ACSM5: variants seen among roughly 807,000 people sequenced by gnomAD.
ACSM5 encodes the protein acyl-CoA synthetase medium chain family member 5, also known as acyl-coenzyme A synthetase ACSM5, mitochondrial.
ACSM5 carries 56 observed loss-of-function variants against 71.6 expected under a neutral mutation model. That is an observed-to-expected ratio of 0.78 (90% CI 0.63 to 0.98). The LOEUF (loss-of-function observed/expected upper bound fraction) is 0.98. ACSM5 is among the 50% of genes least tolerant of loss of function. The pLI, the probability that ACSM5 is intolerant of heterozygous loss-of-function variation, is 0.00. For synonymous variants in ACSM5, 285 were observed against 281.5 expected, an observed-to-expected ratio of 1.01 and a Z score of -0.12; for missense variants, 723 against 726.0, an observed-to-expected ratio of 1.00 and a Z score of 0.05.
intron 6 of ACSM5, among the ~76,000 whole-genome samples, chr16:20,426,853 C>A (rs1289871034): frequency 6.6e-6 from 1 of 152,114 alleles, no homozygotes; most frequent in East Asian, 1.9e-4. Flanking sequence ...TTGCACAACA[C>A]TCTGGAAATG....
rs536895489 is a variant in ACSM5 at position 20,415,870 on chromosome 16, G to A, written c.205-2189G>A. Among the ~76,000 whole-genome samples, 10 of 152,152 alleles carry A rather than the reference G, an allele frequency of 6.6e-5. No homozygotes were observed. In the East Asian group the frequency reaches 1.2e-3, roughly 18 times the overall value. Reference sequence around the variant, plus strand: ...TCATTGTTTGAATGGATATGTCTCTGACTATTATGGTATCCCTACTTCATC... The same window carrying A: ...TCATTGTTTGAATGGATATGTCTCTAACTATTATGGTATCCCTACTTCATC... On this transcript the variant is annotated intron_variant, in intron 2 of 13. Coordinates refer to ENST00000331849, the MANE Select transcript of ACSM5 (RefSeq NM_017888.3).
intron 2 of ACSM5, among the ~76,000 whole-genome samples, chr16:20,415,669 A>G (rs1364901191): frequency 1.3e-5 from 2 of 152,232 alleles, no homozygotes; most frequent in Admixed American, 6.5e-5. Flanking sequence ...GAGATGATTT[A>G]GGGCAGAGTT....
chr16:20,426,287 G>GTGTT (rs1966978588), intron 6 of ACSM5, among the ~76,000 whole-genome samples: 1 of 152,150 alleles, frequency 6.6e-6, no homozygotes, highest in Admixed American at 6.5e-5. Context: ...CTCTGATATA[G>GTGTT]TGTTTTCATT....
intron 12 of ACSM5, 42 bp downstream of exon 12, chr16:20,437,409 C>T (rs779859160): frequency 3.7e-6 from 5 of 1,357,710 alleles, no homozygotes; most frequent in Admixed American, 3.4e-5. Flanking sequence ...GCTTCTGTAC[C>T]TATTAGCACC....
At chr16:20,410,634 T>C (rs1400974848) in intron 1 of ACSM5, among the ~76,000 whole-genome samples, 1 of 152,102 alleles carries the variant, frequency 6.6e-6, no homozygotes, top group East Asian at 1.9e-4. Context: ...CTAGGAAGCC[T>C]GGGGTGGAAG....
chr16:20,439,504 T>C (rs1967271413), intron 12 of ACSM5, among the ~76,000 whole-genome samples: 1 of 151,718 alleles, frequency 6.6e-6, no homozygotes, highest in African/African-American at 2.4e-5. Flanking sequence ...AAATATTTGC[T>C]TCTTAAGAGA....
chr16:20,426,392 C>T (rs1966980842), intron 6 of ACSM5, among the ~76,000 whole-genome samples: 1 of 152,182 alleles, frequency 6.6e-6, no homozygotes, highest in African/African-American at 2.4e-5. Flanking sequence ...CTGGAGGTAG[C>T]TTAATGAGGG....
In ACSM5 at chr16:20,409,609, C is replaced by T. The variant is rs1966843542; in HGVS notation, c.-72C>T. 6.6e-6 allele frequency: 1 copy of T among 152,186 alleles called. No homozygotes were observed. Among genetic ancestry groups the T allele is most frequent in the Admixed American group, 6.5e-5 (1 of 15,276 alleles). The allele number at this position is 152,186 out of a possible 1,614,324, so 9.4% of individuals were successfully genotyped here. ...GTGTTTACAGCCACTCAGCCCTGCT[C>T]TGCTCAGCTGAAGCAGAAAACAGAG... is the stretch of plus-strand genomic sequence containing the variant. On this transcript the variant is annotated 5_prime_UTR_variant, in exon 1 of 14. Coordinates refer to ENST00000331849, the MANE Select transcript of ACSM5 (RefSeq NM_017888.3).
In ACSM5 at chr16:20,419,482, C is replaced by T. The variant is rs567568290; in HGVS notation, c.623+47C>T. 7 of 1,571,308 alleles carry T rather than the reference C, an allele frequency of 4.5e-6. No individual in the cohort carries two copies. In the Admixed American group the frequency reaches 1.2e-4, roughly 26 times the overall value. ...CAGCAGAAAAATGAAGTCATTTCCC[C>T]TTTAAGCAACAAAAGATGAAATGCA... On this transcript the variant is annotated intron_variant, in intron 4 of 13. Coordinates refer to ENST00000331849, the MANE Select transcript of ACSM5 (RefSeq NM_017888.3).
rs1596628496 is a variant in ACSM5 at position 20,440,504 on chromosome 16, G to A, written c.*77G>A. 7.5e-7 allele frequency: 1 copy of A among 1,331,832 alleles called. No individual in the cohort carries two copies. The highest frequency in any genetic ancestry group is 1.1e-6 in the Non-Finnish European group (1 of 925,734). The allele number at this position is 1,331,832 out of a possible 1,614,324, so 82.5% of individuals were successfully genotyped here. A position where few individuals can be genotyped will look rare whatever the true frequency, so the allele number is the denominator to read the frequency against. On this transcript the variant is annotated 3_prime_UTR_variant, in exon 14 of 14. Transcript: ENST00000331849. ...ATGGATCACTGGTCAGTCCCCATGG[G>A]GAGCATCATCTCTTCGACCCTAAAG...
rs1347286888 is a variant in ACSM5 at position 20,437,073 on chromosome 16, G to A, written c.1330G>A (p.Ala444Thr). The A allele has an allele frequency of 3.1e-6, 5 of 1,614,020 alleles. No homozygotes were observed. The highest frequency in any genetic ancestry group is 3.4e-6 in the Non-Finnish European group (4 of 1,180,040). ...TCAGGACAATCCTGAGAAGACAGCT[G>A]CATCAGAACAAGGGGACTTTTACAT... ...CYLDNPEKTA[A>T]SEQGDFYITG... is the part of the protein sequence containing the mutation. The change falls in exon 11 of 14, where the codon GCA (alanine) becomes ACA (threonine). Residue 444 changes from alanine (A) to threonine (T), a missense_variant. By Grantham distance (58) the Ala-to-Thr change is moderately conservative (BLOSUM62 0). Transcript: ENST00000331849.
In ACSM5 at chr16:20,421,279, C is replaced by T. The variant is rs1248942572; in HGVS notation, c.645C>T (p.Asn215=). The change falls in exon 5 of 14, where the codon AAC becomes AAT. Residue 215 remains asparagine (N), a synonymous_variant. Transcript: ENST00000331849. ...ACAGGGAGGCTTCTACAGAGCACAA[C>T]TGCATGAGGACAAAGAGTCGAGACC... The part of the protein sequence containing the change: ...ELLREASTEH[N]CMRTKSRDPL... 10 of 1,604,608 alleles carry T rather than the reference C, an allele frequency of 6.2e-6. No homozygotes were observed. The South Asian group carries it at 1.0e-4, about 16-fold the overall frequency.
At chr16:20,413,051 T>C (rs1966850504) in intron 2 of ACSM5, among the ~76,000 whole-genome samples, 2 of 152,176 alleles carry the variant, frequency 1.3e-5, no homozygotes, top group African/African-American at 2.4e-5. Flanking sequence ...ATCTCAACTT[T>C]CTCATCTGTA....
Position 20,418,105 on chromosome 16 carries a change from CA to C in ACSM5, c.252del (p.Gly85GlufsTer34). ...CCTGCCTTCTGGTGGGTCAATGGCA[CA>C]GGAGCAGAGATCAAGTGGAGCTTTG... ...PNPAFWWVNG[T>X]GAEIKWSFEE... On this transcript the variant is annotated frameshift_variant, in exon 3 of 14. Coordinates refer to ENST00000331849, the MANE Select transcript of ACSM5 (RefSeq NM_017888.3). LOFTEE classifies it high-confidence loss of function. 1.2e-6 allele frequency: 2 copies of C among 1,613,820 alleles called. No individual in the cohort carries two copies. Among genetic ancestry groups the C allele is most frequent in the Non-Finnish European group, 1.7e-6 (2 of 1,179,940 alleles).
chr16:20,436,424 G>A lies in ACSM5; in HGVS notation c.1309-628G>A, dbSNP rs1332211572. 4.6e-5 allele frequency among the ~76,000 whole-genome samples: 7 copies of A among 152,224 alleles called. No individual in the cohort carries two copies. In the South Asian group the frequency reaches 6.2e-4, roughly 14 times the overall value. On this transcript the variant is annotated intron_variant, in intron 10 of 13. Transcript: ENST00000331849. ...CTCGCCCTATAGCCCAGGCTGGAGT[G>A]CAGTGGCACAATCTCAGCTCACTGC...
chr16:20,426,960 T>C (rs1966992158), intron 6 of ACSM5, among the ~76,000 whole-genome samples: 1 of 151,864 alleles, frequency 6.6e-6, no homozygotes, highest in African/African-American at 2.4e-5. Flanking sequence ...AGATATTTGC[T>C]AGGACTGCAA....
At chr16:20,424,486 C>T (rs1309079524) in intron 6 of ACSM5, among the ~76,000 whole-genome samples, 1 of 152,162 alleles carries the variant, frequency 6.6e-6, no homozygotes, top group Non-Finnish European at 1.5e-5. Context: ...TCAGGGTCTT[C>T]TCATGGGGAG....
chr16:20,439,356 C>A (rs1821808078), intron 12 of ACSM5, among the ~76,000 whole-genome samples: 2 of 144,872 alleles, frequency 1.4e-5, no homozygotes, highest in Admixed American at 1.4e-4. Context: ...TCCACGCAGA[C>A]CCCCAAAGAC....
intron 10 of ACSM5, among the ~76,000 whole-genome samples, chr16:20,431,565 G>A (rs1386764523): frequency 6.6e-6 from 1 of 152,036 alleles, no homozygotes; most frequent in African/African-American, 2.4e-5. Context: ...TTTAAATGTG[G>A]GTGTGTCTGA....
Sources: allele counts gnomAD v4.1 joint callset (sites outside exome capture counted in the v4.1 genomes callset), GRCh38; gene constraint gnomAD v4.1.1; transcripts MANE v1.5; gene names NCBI Gene and HGNC (gene_info 2026-07-23, HGNC 2026-07-21).